Variants in NASP observed in about 807,000 individuals in gnomAD.
NASP encodes nuclear autoantigenic sperm protein, also known as NASP histone chaperone.
In NASP, 24 loss-of-function variants were observed where a neutral mutation model predicts 89.5. That is an observed-to-expected ratio of 0.27 (90% CI 0.19 to 0.38). The LOEUF is 0.38. NASP is among the 10% of genes least tolerant of loss of function. The probability of loss-of-function intolerance (pLI) is 1.00; values close to 1 mark genes in which losing one functional copy is unlikely to be tolerated. For synonymous variants in NASP, 306 were observed against 324.7 expected, an observed-to-expected ratio of 0.94 and a Z score of 0.62; for missense variants, 848 against 921.4, an observed-to-expected ratio of 0.92 and a Z score of 1.03.
rs751524673 is a variant in NASP at position 45,618,321 on chromosome 1, A to G, written c.*180A>G. ...TGGAGCACTGCTGGTTTTATATATTAGCCAAAGGTTTTGTTCTGGCCTTCT... is the reference window on the plus strand; with the variant it reads ...TGGAGCACTGCTGGTTTTATATATTGGCCAAAGGTTTTGTTCTGGCCTTCT... On this transcript the variant is annotated 3_prime_UTR_variant, in exon 15 of 15. Coordinates refer to ENST00000350030, the MANE Select transcript of NASP (RefSeq NM_002482.4). 9.2e-6 allele frequency: 5 copies of G among 543,434 alleles called. No individual in the cohort carries two copies. Among genetic ancestry groups the G allele is most frequent in the Admixed American group, 3.2e-5 (1 of 31,414 alleles). 33.7% of individuals were successfully genotyped at this position (543,434 alleles called of 1,614,324 possible).
At chr1:45,591,317 T>A in intron 2 of NASP, 47 bp downstream of exon 2, 1 of 1,178,562 alleles carries the variant, frequency 8.5e-7, no homozygotes, top group Non-Finnish European at 1.2e-6. Flanking sequence ...AAACATAAAC[T>A]AAGAGCAATA....
rs1400915648 is a variant in NASP at position 45,614,222 on chromosome 1, G to T, written c.1592+41G>T. 4 of 1,597,154 alleles carry T rather than the reference G, an allele frequency of 2.5e-6. No individual in the cohort carries two copies. The East Asian group carries it at 8.9e-5, about 36-fold the overall frequency. The stretch of plus-strand genomic sequence containing the variant: ...CTTCTAGGCTTGGGTTGGGAGTTTG[G>T]TGGTTAAATAGAAACCAGTTAGGGT... On this transcript the variant is annotated intron_variant, in intron 8 of 14. Transcript: ENST00000350030.
At position 45,591,800 on chromosome 1, in the gene NASP, G is replaced by A. The variant is rs530023028; in HGVS notation, c.107+530G>A. Among the ~76,000 whole-genome samples, 7 of 152,236 alleles carry A rather than the reference G, an allele frequency of 4.6e-5. No individual in the cohort carries two copies. The South Asian group carries it at 1.5e-3, about 32-fold the overall frequency. On this transcript the variant is annotated intron_variant, in intron 2 of 14. Transcript: ENST00000350030. ...AAAAAGCTTACCCAAAAGGTAGATG[G>A]TAGGTTACATCCCTAGAGATTTCTT...
rs1643842166 is a variant in NASP, at chr1:45,601,504, T to C, written c.108-751T>C. 3.9e-5 allele frequency among the ~76,000 whole-genome samples: 6 copies of C among 152,346 alleles called. No individual in the cohort carries two copies. The South Asian group carries it at 1.2e-3, about 32-fold the overall frequency. ...TATATGCATGGATCTGTTTTTGTAC[T>C]CTGTGTTCTATTTGATCCATTTGGT... On this transcript the variant is annotated intron_variant, in intron 2 of 14. Transcript: ENST00000350030.
chr1:45,604,281 AC>A (rs1384629200), intron 3 of NASP, among the ~76,000 whole-genome samples: 1 of 152,154 alleles, frequency 6.6e-6, no homozygotes, highest in Non-Finnish European at 1.5e-5. Context: ...CATTATACTT[AC>A]GTAATTTTTG....
chr1:45,588,987 G>A (rs1382522335), intron 1 of NASP: 2 of 167,346 alleles, frequency 1.2e-5, no homozygotes, highest in South Asian at 2.4e-4. Context: ...TTGTTTGTGA[G>A]TGTTTATATT....
At chr1:45,603,016 T>C (rs1370550906) in intron 3 of NASP, among the ~76,000 whole-genome samples, 1 of 152,238 alleles carries the variant, frequency 6.6e-6, no homozygotes, top group Non-Finnish European at 1.5e-5. Flanking sequence ...AGTGCTATTA[T>C]TAGCACAGCA....
intron 2 of NASP, 109 bp from the exon 3 acceptor site, chr1:45,602,146 G>T: frequency 7.4e-7 from 1 of 1,354,404 alleles, no homozygotes; most frequent in Non-Finnish European, 9.8e-7. Context: ...GGCCTTGCCA[G>T]AGTAGTCCAA....
In NASP at chr1:45,602,448, G is replaced by A. The variant is rs1643865720; in HGVS notation, c.218+83G>A. The A allele has an allele frequency of 3.1e-6, 4 of 1,289,494 alleles. No individual in the cohort carries two copies. In the Admixed American group the frequency reaches 6.5e-5, roughly 21 times the overall value. 79.9% of individuals were successfully genotyped at this position (1,289,494 alleles called of 1,614,324 possible). On this transcript the variant is annotated intron_variant, in intron 3 of 14. Transcript: ENST00000350030. Reference sequence around the variant, plus strand: ...TCAAAAATTATTTTATGGGGAAAAAGCATGAAGAGCAAGAGTTTTAAAACA... The same window carrying A: ...TCAAAAATTATTTTATGGGGAAAAAACATGAAGAGCAAGAGTTTTAAAACA...
Position 45,607,925 on chromosome 1 carries a change from A to G in NASP, c.1014A>G (p.Val338=), listed in dbSNP as rs76379164. 6,557 of 1,605,748 alleles carry G rather than the reference A, an allele frequency of 4.1e-3. 94 individuals carry two copies. The East Asian group carries it at 0.048, about 12-fold the overall frequency. ...AVLEQLVGQE[V]PPAEESPEVT... ...TTGAACAACTGGTAGGTCAAGAAGT[A>G]CCACCTGCTGAAGAGTCACCAGAGG... The change falls in exon 6 of 15, where the codon GTA becomes GTG. Residue 338 remains valine (V), a synonymous_variant. Coordinates refer to ENST00000350030, the MANE Select transcript of NASP (RefSeq NM_002482.4).
intron 2 of NASP, among the ~76,000 whole-genome samples, chr1:45,599,416 T>C (rs1368492319): frequency 2.6e-5 from 4 of 151,790 alleles, no homozygotes; most frequent in Non-Finnish European, 4.4e-5. Flanking sequence ...CTTAGACTTT[T>C]TCTTTTCTTC....
intron 2 of NASP, among the ~76,000 whole-genome samples, chr1:45,601,481 T>C (rs997419784): frequency 6.6e-6 from 1 of 152,190 alleles, no homozygotes; most frequent in African/African-American, 2.4e-5. Context: ...GTCAGTCATA[T>C]ATGCATGGAT....
chr1:45,597,109 G>T (rs1387068237), intron 2 of NASP, among the ~76,000 whole-genome samples: 5 of 152,152 alleles, frequency 3.3e-5, no homozygotes, highest in Non-Finnish European at 5.9e-5. Context: ...AGGAGTTTGA[G>T]ACCAGCCTGG....
chr1:45,613,384 A>T (rs965159674), intron 7 of NASP, 136 bp downstream of exon 7: 3 of 989,920 alleles, frequency 3.0e-6, no homozygotes, highest in Non-Finnish European at 2.8e-6. Context: ...CCCGGGCTTA[A>T]GTGATCGCCT....
chr1:45,607,265 G>A (rs921225605), intron 5 of NASP, 56 bp from the exon 6 acceptor site: 1 of 1,542,896 alleles, frequency 6.5e-7, no homozygotes. Flanking sequence ...TTCCATTTAT[G>A]CCTTTATCAT....
chr1:45,590,273 G>A (rs1231732213), intron 1 of NASP, among the ~76,000 whole-genome samples: 3 of 152,068 alleles, frequency 2.0e-5, no homozygotes, highest in South Asian at 4.1e-4. Flanking sequence ...GGCCGGGCGC[G>A]GTGGCTCACG....
chr1:45,584,713 C>T (rs1286720637), intron 1 of NASP, among the ~76,000 whole-genome samples: 1 of 152,158 alleles, frequency 6.6e-6, no homozygotes, highest in East Asian at 1.9e-4. Context: ...CGGGGTTTTG[C>T]GCGCGTGCGT....
intron 1 of NASP, among the ~76,000 whole-genome samples, chr1:45,586,239 C>CGTTTGTGTGTGTGTGTGT (rs1644532860): frequency 9.1e-6 from 1 of 110,232 alleles, no homozygotes; most frequent in African/African-American, 3.9e-5. Flanking sequence ...CCTACCGTGC[C>CGTTTGTGTGTGTGTGTGT]GTGTGTGTGT....
chr1:45,591,336 A>G, intron 2 of NASP, 66 bp downstream of exon 2: 1 of 1,089,396 alleles, frequency 9.2e-7, no homozygotes. Flanking sequence ...TATAACTTTA[A>G]AGTTATTTTT....
Sources: gnomAD v4.1 joint callset for allele counts (sites outside exome capture counted in the v4.1 genomes callset) on GRCh38, gnomAD v4.1.1 for gene constraint, MANE v1.5 for transcripts, NCBI Gene and HGNC (gene_info 2026-07-23, HGNC 2026-07-21) for gene names.